Variants in KCNMA1 observed in about 807,000 individuals in gnomAD.
The protein encoded by KCNMA1 is Calcium-activated potassium channel subunit alpha-1.
KCNMA1 carries 29 observed loss-of-function variants against 140.0 expected under a neutral mutation model. That is an observed-to-expected ratio of 0.21 (90% CI 0.15 to 0.28). KCNMA1 has a LOEUF of 0.28. Among genes scored for constraint, KCNMA1 ranks in the 10% least tolerant of loss-of-function variants. The pLI, the probability that KCNMA1 is intolerant of heterozygous loss-of-function variation, is 1.00. For synonymous variants in KCNMA1, 612 were observed against 611.9 expected (o/e 1.00, Z 0.00); for missense variants, 880 against 1,602.2 (o/e 0.55, Z 7.70).
At chr10:77,488,125 C>T (rs964988691) in intron 1 of KCNMA1, among the ~76,000 whole-genome samples, 12 of 152,332 alleles carry the variant, frequency 7.9e-5, no homozygotes, top group Admixed American at 4.6e-4. Context: ...GGTGGCCCAA[C>T]GATGTCGACA....
chr10:77,448,957 C>A (rs1399670510), intron 1 of KCNMA1, among the ~76,000 whole-genome samples: 1 of 151,970 alleles, frequency 6.6e-6, no homozygotes, highest in East Asian at 1.9e-4. Flanking sequence ...CGTAGTGGTG[C>A]ATGCCTGTAA....
intron 25 of KCNMA1, among the ~76,000 whole-genome samples, chr10:76,896,880 C>T (rs1238561172): frequency 6.6e-6 from 1 of 151,728 alleles, no homozygotes; most frequent in Non-Finnish European, 1.5e-5. Context: ...ACCACTGAAT[C>T]GTACACTTTA....
chr10:77,544,368 G>A (rs2060923056), intron 1 of KCNMA1, among the ~76,000 whole-genome samples: 1 of 152,126 alleles, frequency 6.6e-6, no homozygotes, highest in Non-Finnish European at 1.5e-5. Flanking sequence ...TAAACTTGAA[G>A]AGCACGGCAT....
chr10:77,333,302 C>T (rs1321554363), intron 2 of KCNMA1, among the ~76,000 whole-genome samples: 2 of 147,434 alleles, frequency 1.4e-5, no homozygotes, highest in Non-Finnish European at 3.0e-5. Flanking sequence ...AGGATTGAAC[C>T]CAGGAGTTTG....
intron 15 of KCNMA1, among the ~76,000 whole-genome samples, chr10:77,034,833 C>T (rs895386586): frequency 6.6e-6 from 1 of 152,162 alleles, no homozygotes; most frequent in African/African-American, 2.4e-5. Flanking sequence ...TGTCCTAATC[C>T]CCTCTGAGCT....
rs190602562 is a variant in KCNMA1, at chr10:77,307,220, C to G, written c.541-55964G>C. 6.6e-5 allele frequency among the ~76,000 whole-genome samples: 10 copies of G among 152,290 alleles called. No individual in the cohort carries two copies. The East Asian group carries it at 1.9e-3, about 29-fold the overall frequency. ...TGGTTTTACATAGCTCATCCAAAGC[C>G]AGTCTCTTCTGGCCTTCAGAAATTT... On this transcript the variant is annotated intron_variant, in intron 2 of 27. Transcript: ENST00000286628.
intron 1 of KCNMA1, among the ~76,000 whole-genome samples, chr10:77,521,163 A>G (rs1490718823): frequency 6.6e-6 from 1 of 152,192 alleles, no homozygotes. Context: ...AGAAAACAGC[A>G]TGTGCAAAGG....
chr10:77,268,609 T>C (rs2064075032), intron 2 of KCNMA1, among the ~76,000 whole-genome samples: 1 of 152,070 alleles, frequency 6.6e-6, no homozygotes. Context: ...TCATGGGAAG[T>C]GGCATCCGCA....
In KCNMA1 at chr10:77,040,673, C is replaced by G. The variant is rs141121600; in HGVS notation, c.1750-1036G>C. ...TGATACTTTTTTTCCTCTATAGATT[C>G]CTGTATTGTCTGAAGGCTTTTATAA... On this transcript the variant is annotated intron_variant, in intron 14 of 27. Transcript: ENST00000286628. Among the ~76,000 whole-genome samples the G allele has an allele frequency of 2.0e-5, 3 of 152,154 alleles. No homozygotes were observed. In the East Asian group the frequency reaches 5.8e-4, roughly 29 times the overall value.
chr10:77,081,635 C>T, intron 12 of KCNMA1, among the ~76,000 whole-genome samples: 1 of 152,184 alleles, frequency 6.6e-6, no homozygotes, highest in East Asian at 1.9e-4. Context: ...ACGCTAAAGC[C>T]TCTCCCAGCA....
chr10:77,532,955 A>G (rs2058036285), intron 1 of KCNMA1, among the ~76,000 whole-genome samples: 1 of 152,172 alleles, frequency 6.6e-6, no homozygotes, highest in Non-Finnish European at 1.5e-5. Flanking sequence ...GCAACCTGAA[A>G]TCACTCTCTT....
At chr10:77,249,788 C>G (rs1013436949) in intron 3 of KCNMA1, 1 of 152,216 alleles carries the variant, frequency 6.6e-6, no homozygotes, top group African/African-American at 2.4e-5. Context: ...GGCTTACCTT[C>G]AATGACATGC....
chr10:77,636,109 C>T, intron 1 of KCNMA1: 1 of 853,714 alleles, frequency 1.2e-6, no homozygotes, highest in Non-Finnish European at 1.7e-6. Context: ...CTGCACTATT[C>T]CCCTGGATTT....
intron 2 of KCNMA1, among the ~76,000 whole-genome samples, chr10:77,296,908 T>TGGGGGG (rs781675116): frequency 7.5e-5 from 6 of 80,234 alleles, no homozygotes; most frequent in Non-Finnish European, 2.0e-4. Context: ...CCTGGGTGTG[T>TGGGGGG]GGGCGGGGGG....
intron 1 of KCNMA1, among the ~76,000 whole-genome samples, chr10:77,404,595 G>A (rs1041802844): frequency 9.9e-5 from 15 of 152,140 alleles, no homozygotes; most frequent in Admixed American, 1.3e-4. Flanking sequence ...AAGAGGAAAC[G>A]CAATCTGTCT....
intron 1 of KCNMA1, among the ~76,000 whole-genome samples, chr10:77,625,341 A>G (rs886938574): frequency 1.5e-4 from 23 of 152,102 alleles, no homozygotes; most frequent in African/African-American, 5.1e-4. Flanking sequence ...AGATCATGCC[A>G]CTGCACTCCA....
intron 9 of KCNMA1, among the ~76,000 whole-genome samples, chr10:77,098,219 G>A (rs1391867442): frequency 6.6e-6 from 1 of 152,098 alleles, no homozygotes; most frequent in African/African-American, 2.4e-5. Context: ...CTCAGTGCCG[G>A]GGACATTGGT....
chr10:77,246,805 C>G (rs1001444297), intron 3 of KCNMA1, among the ~76,000 whole-genome samples: 1 of 152,014 alleles, frequency 6.6e-6, no homozygotes, highest in African/African-American at 2.4e-5. Flanking sequence ...CAATCGTAAC[C>G]CCACTGTTGC....
intron 1 of KCNMA1, among the ~76,000 whole-genome samples, chr10:77,410,394 G>A (rs1003112680): frequency 1.3e-5 from 2 of 152,140 alleles, no homozygotes; most frequent in Non-Finnish European, 2.9e-5. Context: ...AGCTGGCTGG[G>A]CCCGCCTTGA....
Sources: gnomAD v4.1 joint callset for allele counts (sites outside exome capture counted in the v4.1 genomes callset) on GRCh38, gnomAD v4.1.1 for gene constraint, MANE v1.5 for transcripts, NCBI Gene and HGNC (gene_info 2026-07-23, HGNC 2026-07-21) for gene names.